The following GML variants were observed in gnomAD, a reference collection of about 807,000 sequenced individuals.
GML encodes the protein glycosylphosphatidylinositol anchored molecule like, also known as glycosyl-phosphatidylinositol-anchored molecule-like protein.
Under a neutral mutation model 8.2 loss-of-function variants are expected in GML, and 5 were observed. The ratio of observed to expected loss-of-function variants is 0.61; its 90% CI spans 0.32 to 1.28. GML has a LOEUF of 1.28. Among genes scored for constraint, GML ranks in the 50% most tolerant of loss-of-function variants. The pLI is 0.06. For synonymous variants in GML, 72 were observed against 69.0 expected (o/e 1.04, Z -0.22); for missense variants, 191 against 198.3 (o/e 0.96, Z 0.22).
intron 1 of GML, 54 bp from the exon 2 acceptor site, chr8:142,840,362 C>G: frequency 1.8e-6 from 2 of 1,136,576 alleles, no homozygotes; most frequent in South Asian, 2.5e-5. Flanking sequence ...GGGCATAGAG[C>G]TGGCCAAGGA....
chr8:142,845,349 A>T (rs771191277), intron 3 of GML, among the ~76,000 whole-genome samples: 2 of 152,234 alleles, frequency 1.3e-5, no homozygotes, highest in Non-Finnish European at 2.9e-5. Flanking sequence ...CTGATGCTGC[A>T]TGCTGAGTAC....
intron 2 of GML, 85 bp downstream of exon 2, chr8:142,840,595 G>A (rs962191062): frequency 5.2e-5 from 50 of 969,588 alleles, no homozygotes; most frequent in Admixed American, 3.5e-5. Context: ...TGGCTGCAAC[G>A]TGGAGCAAGC....
At chr8:142,843,255 TACACACACACACAC>T (rs55778635) in intron 3 of GML, among the ~76,000 whole-genome samples, 1,890 of 140,094 alleles carry the variant, frequency 0.013, 56 homozygotes, top group African/African-American at 0.047. Flanking sequence ...AAAAGGTTCA[TACACACACACACAC>T]ACACACACAC....
chr8:142,841,447 C>G (rs979746427), intron 3 of GML, among the ~76,000 whole-genome samples: 4 of 152,202 alleles, frequency 2.6e-5, no homozygotes, highest in African/African-American at 9.7e-5. Context: ...GTAGTACAAT[C>G]TGTCCACACA....
At chr8:142,836,701 C>G (rs1231733055) in intron 1 of GML, among the ~76,000 whole-genome samples, 1 of 152,184 alleles carries the variant, frequency 6.6e-6, no homozygotes, top group Non-Finnish European at 1.5e-5. Flanking sequence ...CCTCTCCTCT[C>G]TCCAGGAGCC....
At chr8:142,842,152 G>A (rs1243491179) in intron 3 of GML, among the ~76,000 whole-genome samples, 1 of 152,146 alleles carries the variant, frequency 6.6e-6, no homozygotes, top group African/African-American at 2.4e-5. Context: ...GGTTTTATAA[G>A]GAGCTTTTCC....
intron 1 of GML, among the ~76,000 whole-genome samples, chr8:142,837,875 A>G (rs1816365502): frequency 6.8e-6 from 1 of 147,712 alleles, no homozygotes; most frequent in African/African-American, 2.5e-5. Context: ...CAGCACTTGG[A>G]GGCTCTTCCA....
At position 142,841,167 on chromosome 8, in the gene GML, C is replaced by T. The variant is rs373358231; in HGVS notation, c.123C>T (p.Asn41=). ...CHDCAVINDF[N]CPNIRVCPYH... ...ACTGTGCGGTCATAAATGACTTCAA[C>T]TGTCCCAACATTAGAGTATGTCCGT... The change falls in exon 3 of 4, where the codon AAC becomes AAT. Residue 41 remains asparagine, a synonymous_variant. Coordinates refer to ENST00000220940, the MANE Select transcript of GML (RefSeq NM_002066.3). 1.1e-4 allele frequency: 182 copies of T among 1,591,422 alleles called. No homozygotes were observed. The highest frequency in any genetic ancestry group is 1.7e-4 in the Middle Eastern group (1 of 6,008).
intron 1 of GML, among the ~76,000 whole-genome samples, chr8:142,839,131 A>G (rs1445256074): frequency 6.6e-6 from 1 of 152,118 alleles, no homozygotes; most frequent in Non-Finnish European, 1.5e-5. Flanking sequence ...GCATCCAGGG[A>G]AAGCAGGCAC....
chr8:142,842,738 G>C (rs528387048), intron 3 of GML, among the ~76,000 whole-genome samples: 5 of 152,342 alleles, frequency 3.3e-5, no homozygotes, highest in African/African-American at 1.2e-4. Flanking sequence ...CCTAGGTGAT[G>C]GGTACTCCAG....
At chr8:142,839,850 G>A (rs577376332) in intron 1 of GML, among the ~76,000 whole-genome samples, 3 of 152,274 alleles carry the variant, frequency 2.0e-5, no homozygotes, top group South Asian at 2.1e-4. Context: ...CTGATGGCTC[G>A]GTGATGCCCA....
At chr8:142,836,681 G>A (rs1457823766) in intron 1 of GML, among the ~76,000 whole-genome samples, 1 of 152,174 alleles carries the variant, frequency 6.6e-6, no homozygotes, top group Admixed American at 6.5e-5. Flanking sequence ...TTACTACTGG[G>A]GATGTGTGCC....
At chr8:142,844,348 G>T (rs544057787) in intron 3 of GML, among the ~76,000 whole-genome samples, 1 of 152,016 alleles carries the variant, frequency 6.6e-6, no homozygotes, top group East Asian at 1.9e-4. Context: ...AACCAATAAA[G>T]TTTTTAGAGA....
intron 1 of GML, among the ~76,000 whole-genome samples, chr8:142,835,459 T>C (rs976869820): frequency 1.3e-5 from 2 of 152,228 alleles, no homozygotes; most frequent in African/African-American, 4.8e-5. Context: ...CTCGTTCTTT[T>C]CTGGCTCCTT....
At chr8:142,835,914 C>T (rs937622719) in intron 1 of GML, among the ~76,000 whole-genome samples, 40 of 152,314 alleles carry the variant, frequency 2.6e-4, no homozygotes, top group African/African-American at 9.4e-4. Flanking sequence ...TACTTTATTT[C>T]TATATATGTT....
At chr8:142,843,298 A>ACACACACACACACACACC in intron 3 of GML, among the ~76,000 whole-genome samples, 1 of 145,666 alleles carries the variant, frequency 6.9e-6, no homozygotes, top group East Asian at 2.0e-4. Context: ...ACACACACAC[A>ACACACACACACACACACC]CCATAACCCC....
chr8:142,835,796 G>T (rs1816331808), intron 1 of GML, among the ~76,000 whole-genome samples: 1 of 152,132 alleles, frequency 6.6e-6, no homozygotes, highest in African/African-American at 2.4e-5. Flanking sequence ...GTCTGTCCTT[G>T]TCACCTCTTG....
chr8:142,836,587 T>C (rs1165397971), intron 1 of GML, among the ~76,000 whole-genome samples: 1 of 152,260 alleles, frequency 6.6e-6, no homozygotes, highest in East Asian at 1.9e-4. Context: ...AATTTATTCC[T>C]AATTCTTACA....
intron 3 of GML, among the ~76,000 whole-genome samples, chr8:142,845,563 A>G (rs1043880039): frequency 2.0e-5 from 3 of 152,242 alleles, no homozygotes; most frequent in Non-Finnish European, 2.9e-5. Context: ...GGTAAGTTCC[A>G]GAATAAAGTA....
Sources: allele counts gnomAD v4.1 joint callset (sites outside exome capture counted in the v4.1 genomes callset), GRCh38; gene constraint gnomAD v4.1.1; transcripts MANE v1.5; gene names NCBI Gene and HGNC (gene_info 2026-07-23, HGNC 2026-07-21).